Variants in PAN3 observed in about 807,000 individuals in gnomAD.
The protein encoded by PAN3 is poly(A) specific ribonuclease subunit PAN3, also known as PAN2-PAN3 deadenylation complex subunit PAN3.
In PAN3, 19 loss-of-function variants were observed where a neutral mutation model predicts 96.2. The observed-to-expected ratio is 0.20, with a 90% CI of 0.14 to 0.29. The LOEUF is 0.29. Ranked by LOEUF, PAN3 falls within the 10% of genes least tolerant of loss-of-function variation. PAN3 has a pLI of 1.00. For synonymous variants in PAN3, 433 were observed against 406.6 expected (o/e 1.06, Z -0.78); for missense variants, 882 against 1,108.1 (o/e 0.80, Z 2.90).
rs189089486 is a variant in PAN3 at position 28,157,651 on chromosome 13, G to C, written c.431-16621G>C. Reference sequence around the variant, plus strand: ...AATACCTAGGAATACAGCTAACCAGGGAGGTGAAAGAGCTCTACAATGATA... The same window carrying C: ...AATACCTAGGAATACAGCTAACCAGCGAGGTGAAAGAGCTCTACAATGATA... On this transcript the variant is annotated intron_variant, in intron 1 of 18. Transcript: ENST00000380958. Among the ~76,000 whole-genome samples the C allele has an allele frequency of 2.6e-5, 4 of 152,196 alleles. No homozygotes were observed. In the East Asian group the frequency reaches 7.7e-4, roughly 29 times the overall value.
intron 4 of PAN3, among the ~76,000 whole-genome samples, chr13:28,181,543 CAA>C (rs1444743873): frequency 8.3e-4 from 89 of 107,422 alleles, no homozygotes; most frequent in Admixed American, 7.5e-3. Context: ...CAAAACAAAA[CAA>C]AGTACAGAAG....
At chr13:28,257,752 ATAAT>A (rs1000385668) in intron 7 of PAN3, among the ~76,000 whole-genome samples, 50 of 138,098 alleles carry the variant, frequency 3.6e-4, no homozygotes, top group African/African-American at 7.3e-4. Flanking sequence ...TATATAATAT[ATAAT>A]TAATTATATA....
intron 4 of PAN3, among the ~76,000 whole-genome samples, chr13:28,191,965 C>A (rs1408556105): frequency 6.6e-6 from 1 of 151,638 alleles, no homozygotes; most frequent in East Asian, 1.9e-4. Context: ...ATCTTGAAGT[C>A]GGCTCAAACA....
intron 5 of PAN3, chr13:28,215,041 C>T (rs1880556922): frequency 8.8e-7 from 1 of 1,136,810 alleles, no homozygotes; most frequent in Non-Finnish European, 1.3e-6. Flanking sequence ...GAAGTCAGCA[C>T]TTATATTAAT....
intron 1 of PAN3, among the ~76,000 whole-genome samples, chr13:28,156,992 C>CAA (rs35448291): frequency 0.094 from 1,730 of 18,398 alleles, 312 homozygotes; most frequent in African/African-American, 0.12. Flanking sequence ...GAGACCCTGT[C>CAA]AAAAAAAAAA....
intron 4 of PAN3, among the ~76,000 whole-genome samples, chr13:28,189,521 C>CA (rs1215855495): frequency 4.3e-5 from 6 of 140,052 alleles, no homozygotes; most frequent in East Asian, 2.2e-4. Context: ...CGTCTCAAAA[C>CA]AAAAAAACAA....
At chr13:28,170,692 C>T (rs1296970917) in intron 1 of PAN3, among the ~76,000 whole-genome samples, 1 of 152,178 alleles carries the variant, frequency 6.6e-6, no homozygotes, top group African/African-American at 2.4e-5. Flanking sequence ...GGAGGAACCT[C>T]TCCCCTTATG....
At chr13:28,221,576 A>G (rs1225111417) in intron 6 of PAN3, among the ~76,000 whole-genome samples, 1 of 152,152 alleles carries the variant, frequency 6.6e-6, no homozygotes, top group Non-Finnish European at 1.5e-5. Context: ...GCATTAAAGT[A>G]TCAGAGTACT....
intron 1 of PAN3, among the ~76,000 whole-genome samples, chr13:28,169,996 G>A (rs2138076316): frequency 6.6e-6 from 1 of 152,192 alleles, no homozygotes; most frequent in East Asian, 1.9e-4. Context: ...GCAGTGAGCT[G>A]AGATCACACC....
At chr13:28,186,754 G>T (rs1876523239) in intron 4 of PAN3, among the ~76,000 whole-genome samples, 1 of 151,160 alleles carries the variant, frequency 6.6e-6, no homozygotes, top group South Asian at 2.1e-4. Context: ...TGAGTTCAGG[G>T]GTTTGAAGCT....
At chr13:28,268,218 T>G (rs1379522892) in intron 12 of PAN3, among the ~76,000 whole-genome samples, 2 of 152,156 alleles carry the variant, frequency 1.3e-5, no homozygotes, top group Non-Finnish European at 2.9e-5. Flanking sequence ...CCTTTTGCAT[T>G]GTTTTTTGTT....
At position 28,170,291 on chromosome 13, in the gene PAN3, A is replaced by G. The variant is rs143230008; in HGVS notation, c.431-3981A>G. On this transcript the variant is annotated intron_variant, in intron 1 of 18. Coordinates refer to ENST00000380958, the MANE Select transcript of PAN3 (RefSeq NM_175854.8). ...TTGGGACAAATTCTATTTCTTAATG[A>G]TAAGGTGTTATTAAAAGGTGGGAAC... 3.1e-3 allele frequency among the ~76,000 whole-genome samples: 469 copies of G among 152,292 alleles called. 3 individuals carry two copies. The highest frequency in any genetic ancestry group is 0.011 in the African/African-American group (452 of 41,564).
intron 1 of PAN3, among the ~76,000 whole-genome samples, chr13:28,170,996 A>G (rs1229671261): frequency 1.3e-5 from 2 of 151,984 alleles, no homozygotes; most frequent in African/African-American, 2.4e-5. Flanking sequence ...AGGTTTTTCC[A>G]TGTTGGTCAG....
At chr13:28,210,900 T>C (rs1879947275) in intron 5 of PAN3, among the ~76,000 whole-genome samples, 1 of 152,030 alleles carries the variant, frequency 6.6e-6, no homozygotes, top group Non-Finnish European at 1.5e-5. Flanking sequence ...TTTAGGTCCA[T>C]GGATCTCATC....
At chr13:28,202,059 T>C (rs1289437352) in intron 5 of PAN3, among the ~76,000 whole-genome samples, 1 of 152,176 alleles carries the variant, frequency 6.6e-6, no homozygotes, top group Non-Finnish European at 1.5e-5. Context: ...CTTATTTTTT[T>C]TTTCCCCCCT....
At chr13:28,254,067 G>A (rs1343719941) in intron 6 of PAN3, among the ~76,000 whole-genome samples, 5 of 152,046 alleles carry the variant, frequency 3.3e-5, no homozygotes, top group African/African-American at 1.2e-4. Flanking sequence ...GCTACACATA[G>A]CCCCATCCCC....
At position 28,256,529 on chromosome 13, in the gene PAN3, T is replaced by C; in HGVS notation, c.1238T>C (p.Leu413Ser). 1 of 1,613,360 alleles carries C rather than the reference T, an allele frequency of 6.2e-7. No homozygotes were observed. The highest frequency in any genetic ancestry group is 1.1e-5 in the South Asian group (1 of 90,978). ...YFYTDTTPAP[L>S]TGMVFPNYHI... ...TATACAGACACAACTCCAGCACCTT[T>C]GACTGGAATGGTATGTCTACATTAA... The change falls in exon 7 of 19, where the codon TTG becomes TCG. Residue 413 changes from leucine to serine, a missense_variant. Transcript: ENST00000380958.
chr13:28,145,360 T>C (rs1870491749), intron 1 of PAN3, among the ~76,000 whole-genome samples: 1 of 152,196 alleles, frequency 6.6e-6, no homozygotes, highest in Non-Finnish European at 1.5e-5. Flanking sequence ...AGTCTCACTC[T>C]ATCACCCATG....
chr13:28,220,278 C>T lies in PAN3; in HGVS notation c.900C>T (p.Thr300=), dbSNP rs997203766. The T allele has an allele frequency of 2.5e-6, 4 of 1,613,654 alleles. No homozygotes were observed. The highest frequency in any genetic ancestry group is 1.1e-5 in the South Asian group (1 of 91,058). The change falls in exon 6 of 19, where the codon ACC becomes ACT. Residue 300 remains threonine (T), a synonymous_variant. Coordinates refer to ENST00000380958, the MANE Select transcript of PAN3 (RefSeq NM_175854.8). ...AGTTTATTCCTAAAGGAGGATCAAC[C>T]TCCAGGCTGAGTAACGTGTCCCAGT... ...ASEFIPKGGS[T]SRLSNVSQSN...
Sources: allele counts gnomAD v4.1 joint callset (sites outside exome capture counted in the v4.1 genomes callset), GRCh38; gene constraint gnomAD v4.1.1; transcripts MANE v1.5; gene names NCBI Gene and HGNC (gene_info 2026-07-23, HGNC 2026-07-21).